The following FNDC3B variants were observed in gnomAD, a reference collection of about 807,000 sequenced individuals.
FNDC3B encodes the protein fibronectin type III domain containing 3B.
FNDC3B carries 12 observed loss-of-function variants against 151.5 expected under a neutral mutation model. That is an observed-to-expected ratio of 0.08 (90% CI 0.05 to 0.13). FNDC3B has a LOEUF of 0.13. FNDC3B is among the 10% of genes least tolerant of loss of function. The probability of loss-of-function intolerance (pLI) is 1.00; values close to 1 mark genes in which losing one functional copy is unlikely to be tolerated. For missense variants in FNDC3B, 1,214 were observed against 1,505.3 expected, an observed-to-expected ratio of 0.81 and a Z score of 3.20; for synonymous variants, 528 against 549.0, an observed-to-expected ratio of 0.96 and a Z score of 0.54.
chr3:172,322,125 T>C (rs905208726), intron 11 of FNDC3B, among the ~76,000 whole-genome samples: 5 of 152,220 alleles, frequency 3.3e-5, no homozygotes, highest in Non-Finnish European at 7.3e-5. Context: ...GGTTAGGGAT[T>C]TGGACAGGGC....
At chr3:172,182,444 T>C (rs1204286268) in intron 3 of FNDC3B, among the ~76,000 whole-genome samples, 1 of 152,204 alleles carries the variant, frequency 6.6e-6, no homozygotes. Context: ...CTTCCTGATG[T>C]GTAAGAACTG....
chr3:172,235,166 C>G (rs1434018054), intron 4 of FNDC3B, among the ~76,000 whole-genome samples: 1 of 152,046 alleles, frequency 6.6e-6, no homozygotes, highest in Non-Finnish European at 1.5e-5. Context: ...TAACATCTAG[C>G]ATCAGATCTA....
chr3:172,094,919 A>T (rs925685098), intron 1 of FNDC3B, among the ~76,000 whole-genome samples: 6 of 151,960 alleles, frequency 3.9e-5, no homozygotes, highest in Admixed American at 3.9e-4. Flanking sequence ...TAGGCAGAGT[A>T]AATGGGTCCT....
intron 9 of FNDC3B, among the ~76,000 whole-genome samples, chr3:172,300,531 G>A (rs1176616750): frequency 6.6e-6 from 1 of 151,678 alleles, no homozygotes; most frequent in Non-Finnish European, 1.5e-5. Context: ...TATTTTTACC[G>A]ACAAAACCTA....
intron 22 of FNDC3B, among the ~76,000 whole-genome samples, chr3:172,359,264 A>AT (rs1008359084): frequency 2.0e-5 from 3 of 152,030 alleles, no homozygotes; most frequent in South Asian, 2.1e-4. Context: ...ATCTCTTAGC[A>AT]TTTTTTTTCT....
chr3:172,052,516 A>G (rs1168654051), intron 1 of FNDC3B, among the ~76,000 whole-genome samples: 1 of 152,218 alleles, frequency 6.6e-6, no homozygotes. Flanking sequence ...TTAGTGCTAA[A>G]CTAAGCCATG....
chr3:172,179,711 G>A (rs372199510), intron 3 of FNDC3B, among the ~76,000 whole-genome samples: 2 of 151,834 alleles, frequency 1.3e-5, no homozygotes, highest in South Asian at 2.1e-4. Flanking sequence ...GCAAGACTCC[G>A]TCTCTACAAA....
chr3:172,287,674 A>G (rs1014272051), intron 7 of FNDC3B, among the ~76,000 whole-genome samples: 1 of 152,214 alleles, frequency 6.6e-6, no homozygotes, highest in Non-Finnish European at 1.5e-5. Context: ...GTTTATGCAC[A>G]CAGTGCTGTT....
chr3:172,388,974 CTAT>C (rs1349907902), intron 25 of FNDC3B, among the ~76,000 whole-genome samples: 13 of 152,238 alleles, frequency 8.5e-5, no homozygotes, highest in South Asian at 6.2e-4. Flanking sequence ...TCACATGAGA[CTAT>C]TATTTTCATG....
In FNDC3B at chr3:172,333,102, A is replaced by T; in HGVS notation, c.1568A>T (p.His523Leu). 6.2e-7 allele frequency: 1 copy of T among 1,612,238 alleles called. No homozygotes were observed. The highest frequency in any genetic ancestry group is 8.5e-7 in the Non-Finnish European group (1 of 1,178,276). Reference sequence around the variant, plus strand: ...TTGCCTTTTCAGGATAACCTTTTCCACCCAAAATACACTGGAGAGGATTTA... The same window carrying T: ...TTGCCTTTTCAGGATAACCTTTTCCTCCCAAAATACACTGGAGAGGATTTA... ...IQEDENDNLFHPKYTGEDLTC... is the reference protein window; with the variant it reads ...IQEDENDNLFLPKYTGEDLTC... The change falls in exon 14 of 26, where the codon CAC becomes CTC. Residue 523 changes from histidine to leucine, a missense_variant. His to Leu is a moderately conservative substitution (Grantham distance 99). Around this residue, in one of 7 missense-constraint regions of FNDC3B, gnomAD observed 111 missense variants for 96.8 expected, o/e 1.15. Transcript: ENST00000415807.
chr3:172,207,835 T>C (rs1725511267), intron 3 of FNDC3B, among the ~76,000 whole-genome samples: 2 of 152,152 alleles, frequency 1.3e-5, no homozygotes, highest in African/African-American at 4.8e-5. Flanking sequence ...TAATCCCAGC[T>C]ACTTGGGAGG....
rs1448006097 is a variant in FNDC3B, at chr3:172,220,142, C to G, written c.188-6729C>G. On this transcript the variant is annotated intron_variant, in intron 3 of 25. Transcript: ENST00000415807. ...AGTGTACAAGTTTCCAATTTCTCCACAACTTTGTCAACACTTGTTATTTTC... is the reference window on the plus strand; with the variant it reads ...AGTGTACAAGTTTCCAATTTCTCCAGAACTTTGTCAACACTTGTTATTTTC... Among the ~76,000 whole-genome samples the G allele has an allele frequency of 4.0e-5, 6 of 148,414 alleles. No homozygotes were observed. In the East Asian group the frequency reaches 9.8e-4, roughly 24 times the overall value.
chr3:172,111,272 A>G (rs893098822), intron 1 of FNDC3B, among the ~76,000 whole-genome samples: 1 of 152,168 alleles, frequency 6.6e-6, no homozygotes, highest in Admixed American at 6.5e-5. Flanking sequence ...TTAAGTCATG[A>G]TAGTGTCAAC....
At chr3:172,370,087 G>A (rs1157264748) in intron 23 of FNDC3B, among the ~76,000 whole-genome samples, 1 of 152,186 alleles carries the variant, frequency 6.6e-6, no homozygotes, top group Non-Finnish European at 1.5e-5. Flanking sequence ...TAGGTCAGCA[G>A]GTTAGAGCAT....
chr3:172,140,337 A>G (rs957878199), intron 3 of FNDC3B, among the ~76,000 whole-genome samples: 3 of 152,226 alleles, frequency 2.0e-5, no homozygotes, highest in African/African-American at 2.4e-5. Context: ...GCTTCATTAG[A>G]CGATTTTTCC....
chr3:172,345,326 C>G (rs1177140595), intron 19 of FNDC3B, among the ~76,000 whole-genome samples: 1 of 152,102 alleles, frequency 6.6e-6, no homozygotes, highest in Non-Finnish European at 1.5e-5. Flanking sequence ...TTGTGTCTAC[C>G]CCATTCTCTC....
chr3:172,118,867 G>A (rs1300439219), intron 2 of FNDC3B, among the ~76,000 whole-genome samples: 1 of 152,244 alleles, frequency 6.6e-6, no homozygotes, highest in Non-Finnish European at 1.5e-5. Context: ...GAAATTTGGG[G>A]TGGAAAAGAA....
intron 3 of FNDC3B, among the ~76,000 whole-genome samples, chr3:172,158,142 A>T (rs1414778697): frequency 6.6e-6 from 1 of 152,176 alleles, no homozygotes; most frequent in Non-Finnish European, 1.5e-5. Context: ...CATTTCTATC[A>T]TCTCTAAATT....
rs797015519 is a variant in FNDC3B at position 172,200,164 on chromosome 3, C to G, written c.188-26707C>G. On this transcript the variant is annotated intron_variant, in intron 3 of 25. Coordinates refer to ENST00000415807, the MANE Select transcript of FNDC3B (RefSeq NM_022763.4). ...GCACACTCAAACACATACCCACACTCACTTAGACTGGACAGTTTAGACACA... is the reference window on the plus strand; with the variant it reads ...GCACACTCAAACACATACCCACACTGACTTAGACTGGACAGTTTAGACACA... Among the ~76,000 whole-genome samples the G allele has an allele frequency of 2.0e-5, 3 of 152,194 alleles. No homozygotes were observed. In the South Asian group the frequency reaches 6.2e-4, roughly 32 times the overall value.
Sources: gnomAD v4.1 joint callset for allele counts (sites outside exome capture counted in the v4.1 genomes callset) on GRCh38, gnomAD v4.1.1 for gene constraint, gnomAD v4.1.1 regional missense constraint, MANE v1.5 for transcripts, NCBI Gene and HGNC (gene_info 2026-07-23, HGNC 2026-07-21) for gene names.